Variants in AUTS2 observed in about 807,000 individuals in gnomAD.
AUTS2 encodes the protein activator of transcription and developmental regulator AUTS2.
A neutral mutation model predicts 112.4 loss-of-function variants in AUTS2; 17 were observed. The ratio of observed to expected loss-of-function variants is 0.15; its 90% CI spans 0.10 to 0.23. AUTS2 has a LOEUF of 0.23. Among genes scored for constraint, AUTS2 ranks in the 10% least tolerant of loss-of-function variants. The pLI is 1.00. For missense variants in AUTS2, 1,510 were observed against 1,701.6 expected (o/e 0.89, Z 1.98); for synonymous variants, 751 against 702.7 (o/e 1.07, Z -1.09).
chr7:70,699,833 A>C (rs778365896), intron 6 of AUTS2, among the ~76,000 whole-genome samples: 1 of 152,318 alleles, frequency 6.6e-6, no homozygotes, highest in African/African-American at 2.4e-5. Context: ...TCGTGTGTAA[A>C]AATGCACAAT....
At chr7:70,297,620 G>T (rs191376200) in intron 4 of AUTS2, among the ~76,000 whole-genome samples, 12 of 151,666 alleles carry the variant, frequency 7.9e-5, no homozygotes, top group Admixed American at 7.2e-4. Context: ...ATTTGTAGTA[G>T]AGATGGGGTT....
chr7:69,668,388 T>C (rs1796166087), intron 1 of AUTS2, among the ~76,000 whole-genome samples: 1 of 152,182 alleles, frequency 6.6e-6, no homozygotes, highest in South Asian at 2.1e-4. Context: ...TATATAAAAG[T>C]TATTTTTGAA....
chr7:70,616,352 C>T (rs1804364888), intron 5 of AUTS2, among the ~76,000 whole-genome samples: 3 of 152,210 alleles, frequency 2.0e-5, no homozygotes, highest in Admixed American at 1.3e-4. Flanking sequence ...ATAGCTACCA[C>T]GTGGAGGCTC....
chr7:69,692,206 T>C (rs1797378398), intron 1 of AUTS2, among the ~76,000 whole-genome samples: 1 of 152,320 alleles, frequency 6.6e-6, no homozygotes, highest in East Asian at 1.9e-4. Flanking sequence ...TCTGTAGAGA[T>C]AATAGAACAA....
At chr7:70,525,471 A>T (rs1289457995) in intron 5 of AUTS2, among the ~76,000 whole-genome samples, 1 of 152,230 alleles carries the variant, frequency 6.6e-6, no homozygotes, top group African/African-American at 2.4e-5. Flanking sequence ...AGAAAGAACT[A>T]GGAAGATATT....
intron 8 of AUTS2, 24 bp downstream of exon 8, chr7:70,765,029 G>A (rs370278297): frequency 3.1e-5 from 50 of 1,612,506 alleles, no homozygotes; most frequent in African/African-American, 2.5e-4. Flanking sequence ...GCCTGTGCTC[G>A]TGACCCCGAC....
At chr7:70,537,501 A>T (rs557750263) in intron 5 of AUTS2, among the ~76,000 whole-genome samples, 17 of 152,314 alleles carry the variant, frequency 1.1e-4, no homozygotes, top group South Asian at 8.3e-4. Flanking sequence ...TTAATGTTAA[A>T]CCATGCTTTT....
chr7:70,175,508 C>G (rs781136612), intron 4 of AUTS2, among the ~76,000 whole-genome samples: 3 of 152,156 alleles, frequency 2.0e-5, no homozygotes, highest in Non-Finnish European at 4.4e-5. Context: ...CAAACAGCTT[C>G]CCATGCTACA....
chr7:69,676,122 G>A (rs1488973926), intron 1 of AUTS2, among the ~76,000 whole-genome samples: 1 of 152,142 alleles, frequency 6.6e-6, no homozygotes, highest in Non-Finnish European at 1.5e-5. Flanking sequence ...AATATCTCCA[G>A]TTATTCAGAA....
intron 6 of AUTS2, among the ~76,000 whole-genome samples, chr7:70,710,121 A>G (rs1240392600): frequency 1.3e-5 from 2 of 151,970 alleles, no homozygotes; most frequent in Admixed American, 6.6e-5. Flanking sequence ...GTAAATGTTT[A>G]TAAAACCCCA....
chr7:70,006,993 G>A (rs527771215), intron 2 of AUTS2, among the ~76,000 whole-genome samples: 18 of 152,170 alleles, frequency 1.2e-4, no homozygotes, highest in Admixed American at 4.6e-4. Flanking sequence ...GTATCCCTAG[G>A]TTTTCGCAAA....
chr7:70,441,911 T>A (rs1396872117), intron 5 of AUTS2, among the ~76,000 whole-genome samples: 1 of 152,084 alleles, frequency 6.6e-6, no homozygotes, highest in African/African-American at 2.4e-5. Context: ...AAGAGTCCCA[T>A]CCCTTGGTTG....
chr7:70,161,080 A>ATC (rs1284241127), intron 4 of AUTS2, among the ~76,000 whole-genome samples: 2 of 152,082 alleles, frequency 1.3e-5, no homozygotes, highest in Admixed American at 6.6e-5. Flanking sequence ...CTTTAAATCT[A>ATC]TCTCTCTCTC....
chr7:70,183,834 T>TTTTTC (rs1491429979), intron 4 of AUTS2, among the ~76,000 whole-genome samples: 2 of 70,246 alleles, frequency 2.8e-5, no homozygotes, highest in Non-Finnish European at 5.3e-5. Context: ...TGTCTTTTTC[T>TTTTTC]TTTTTTTTTT....
At chr7:70,262,000 A>G (rs991590726) in intron 4 of AUTS2, among the ~76,000 whole-genome samples, 5 of 152,202 alleles carry the variant, frequency 3.3e-5, no homozygotes, top group Admixed American at 2.6e-4. Context: ...CGTACTAAAA[A>G]GAGCACAGCA....
intron 1 of AUTS2, among the ~76,000 whole-genome samples, chr7:69,655,185 T>A (rs753068917): frequency 2.0e-5 from 3 of 151,858 alleles, no homozygotes; most frequent in Non-Finnish European, 2.9e-5. Flanking sequence ...ATGAAGCAAA[T>A]CCTCCAGTTA....
chr7:70,792,487 C>CAAAAAA lies in AUTS2; in HGVS notation c.*1506_*1511dup. ...ATCTGACGTTGTTATCCTGTTTTTG[C>CAAAAAA]AAAAAAAAAAAAAAAAAAAAGTTAA... On this transcript the variant is annotated 3_prime_UTR_variant, in exon 19 of 19. Transcript: ENST00000342771. 1 of 78,600 alleles carries CAAAAAA rather than the reference C, an allele frequency of 1.3e-5. No homozygotes were observed. The highest frequency in any genetic ancestry group is 2.8e-5 in the Non-Finnish European group (1 of 36,112). 4.9% of individuals were successfully genotyped at this position (78,600 alleles called of 1,614,324 possible). A position where few individuals can be genotyped will look rare whatever the true frequency, so the allele number is the denominator to read the frequency against.
At chr7:70,597,214 C>G (rs991827898) in intron 5 of AUTS2, among the ~76,000 whole-genome samples, 2 of 152,186 alleles carry the variant, frequency 1.3e-5, no homozygotes, top group African/African-American at 4.8e-5. Context: ...GCAAGACTTT[C>G]AGCTGCTAAT....
intron 1 of AUTS2, among the ~76,000 whole-genome samples, chr7:69,838,772 A>T (rs983774159): frequency 1.3e-5 from 2 of 152,206 alleles, no homozygotes; most frequent in African/African-American, 4.8e-5. Flanking sequence ...TAGGCCAGGC[A>T]TTGACCATGC....
Sources: gnomAD v4.1 joint callset for allele counts (sites outside exome capture counted in the v4.1 genomes callset) on GRCh38, gnomAD v4.1.1 for gene constraint, MANE v1.5 for transcripts, NCBI Gene and HGNC (gene_info 2026-07-23, HGNC 2026-07-21) for gene names.